PAPSS1: variants seen among roughly 807,000 people sequenced by gnomAD.
PAPSS1 encodes bifunctional 3'-phosphoadenosine 5'-phosphosulfate synthase 1.
PAPSS1 carries 50 observed loss-of-function variants against 72.0 expected under a neutral mutation model. That is an observed-to-expected ratio of 0.69 (90% CI 0.55 to 0.88). The LOEUF (loss-of-function observed/expected upper bound fraction) is 0.88, where lower values mean the gene tolerates loss of function less well. Among genes scored for constraint, PAPSS1 ranks in the 40% least tolerant of loss-of-function variants. PAPSS1 has a pLI of 0.00. For synonymous variants in PAPSS1, 261 were observed against 263.6 expected (o/e 0.99, Z 0.09); for missense variants, 657 against 782.2 (o/e 0.84, Z 1.91).
At chr4:107,646,759 T>C (rs1180502714) in intron 9 of PAPSS1, among the ~76,000 whole-genome samples, 1 of 152,094 alleles carries the variant, frequency 6.6e-6, no homozygotes, top group Non-Finnish European at 1.5e-5. Flanking sequence ...TAGGTACTAG[T>C]GATTTACAAA....
intron 9 of PAPSS1, among the ~76,000 whole-genome samples, chr4:107,651,688 A>AC (rs956617013): frequency 2.0e-5 from 3 of 152,178 alleles, no homozygotes; most frequent in African/African-American, 4.8e-5. Context: ...GGGGGAAGCC[A>AC]CCCCCATGAT....
At chr4:107,706,008 T>C (rs1269009591) in intron 1 of PAPSS1, among the ~76,000 whole-genome samples, 1 of 152,230 alleles carries the variant, frequency 6.6e-6, no homozygotes, top group African/African-American at 2.4e-5. Flanking sequence ...CTACAAAATT[T>C]CTGCTGAAAA....
rs570466190 is a variant in PAPSS1, at chr4:107,716,165, G to A, written c.60+3955C>T. On this transcript the variant is annotated intron_variant, in intron 1 of 11. Transcript: ENST00000265174. The stretch of plus-strand genomic sequence containing the variant: ...GTAGATACAAAACATCTATAATGAA[G>A]TATGATCACAAGATACATAATAGCA... Among the ~76,000 whole-genome samples the A allele has an allele frequency of 7.9e-5, 12 of 151,952 alleles. No homozygotes were observed. In the South Asian group the frequency reaches 2.5e-3, roughly 32 times the overall value.
chr4:107,681,934 C>T, intron 5 of PAPSS1, 81 bp downstream of exon 5: 1 of 725,746 alleles, frequency 1.4e-6, no homozygotes. Context: ...AATATTAACA[C>T]CACCATTTTT....
chr4:107,711,884 G>A (rs1218306352), intron 1 of PAPSS1, among the ~76,000 whole-genome samples: 1 of 152,208 alleles, frequency 6.6e-6, no homozygotes, highest in African/African-American at 2.4e-5. Flanking sequence ...GGAGGATGTT[G>A]AGAAAACAAC....
chr4:107,619,515 T>A (rs990456951), intron 11 of PAPSS1, among the ~76,000 whole-genome samples: 2 of 152,126 alleles, frequency 1.3e-5, no homozygotes, highest in Admixed American at 1.3e-4. Context: ...CAAAATCAAA[T>A]CATATTTTTC....
chr4:107,651,087 A>T (rs1221836395), intron 9 of PAPSS1, among the ~76,000 whole-genome samples: 1 of 152,258 alleles, frequency 6.6e-6, no homozygotes, highest in African/African-American at 2.4e-5. Flanking sequence ...TTATACAGGC[A>T]GTACCAAGTA....
Position 107,654,684 on chromosome 4 carries a change from T to A in PAPSS1, c.1101+11A>T, listed in dbSNP as rs1416612788. 1 of 1,608,190 alleles carries A rather than the reference T, an allele frequency of 6.2e-7. No homozygotes were observed. The highest frequency in any genetic ancestry group is 8.5e-7 in the Non-Finnish European group (1 of 1,176,794). On this transcript the variant is annotated intron_variant, in intron 8 of 11. Coordinates refer to ENST00000265174, the MANE Select transcript of PAPSS1 (RefSeq NM_005443.5). ...AAATCAAGATAAAATGCAGCGAGGT[T>A]TTTTCAGCACCTTAATATAGGGGTG...
chr4:107,648,358 G>A (rs1214114801), intron 9 of PAPSS1, among the ~76,000 whole-genome samples: 6 of 152,216 alleles, frequency 3.9e-5, no homozygotes, highest in Non-Finnish European at 8.8e-5. Flanking sequence ...GCACAGTGCA[G>A]AGCGACCCAG....
At chr4:107,636,263 C>G (rs1387870199) in intron 10 of PAPSS1, among the ~76,000 whole-genome samples, 1 of 152,084 alleles carries the variant, frequency 6.6e-6, no homozygotes, top group Non-Finnish European at 1.5e-5. Flanking sequence ...AATTCCTAAA[C>G]AGCAGGGAAC....
chr4:107,633,040 C>CT (rs1726263148), intron 10 of PAPSS1, among the ~76,000 whole-genome samples: 1 of 152,206 alleles, frequency 6.6e-6, no homozygotes, highest in African/African-American at 2.4e-5. Flanking sequence ...GGGGTTTCAA[C>CT]TTTTTAAGTT....
At chr4:107,659,928 C>T (rs1355492324) in intron 6 of PAPSS1, 31 bp downstream of exon 6, 4 of 1,183,932 alleles carry the variant, frequency 3.4e-6, no homozygotes, top group Non-Finnish European at 3.8e-6. Flanking sequence ...AAGGCTGTAT[C>T]ACTTAGTGTG....
chr4:107,618,889 C>T (rs116050354), intron 11 of PAPSS1, among the ~76,000 whole-genome samples: 2 of 152,060 alleles, frequency 1.3e-5, no homozygotes, highest in African/African-American at 4.8e-5. Flanking sequence ...AAAATGCTTG[C>T]TCTAACCAGA....
intron 10 of PAPSS1, among the ~76,000 whole-genome samples, chr4:107,639,980 T>C (rs142193019): frequency 6.2e-4 from 95 of 152,314 alleles, no homozygotes; most frequent in African/African-American, 1.9e-3. Flanking sequence ...AAGGATAATC[T>C]CTACCTCCAA....
At chr4:107,692,242 C>T (rs1284263335) in intron 3 of PAPSS1, among the ~76,000 whole-genome samples, 2 of 152,068 alleles carry the variant, frequency 1.3e-5, no homozygotes, top group African/African-American at 2.4e-5. Context: ...AAACTATCAT[C>T]ACAGTGAACA....
Position 107,654,618 on chromosome 4 carries a change from T to C in PAPSS1, c.1101+77A>G. ...ATTAACAATTCCAATGAAAAGTCAATACACAGAAAATGCCCACATTTCAGC... is the reference window on the plus strand; with the variant it reads ...ATTAACAATTCCAATGAAAAGTCAACACACAGAAAATGCCCACATTTCAGC... On this transcript the variant is annotated intron_variant, in intron 8 of 11. Coordinates refer to ENST00000265174, the MANE Select transcript of PAPSS1 (RefSeq NM_005443.5). The C allele has an allele frequency of 4.4e-6, 5 of 1,149,394 alleles. No homozygotes were observed. In the Admixed American group the frequency reaches 7.0e-5, roughly 16 times the overall value. 71.2% of individuals were successfully genotyped at this position (1,149,394 alleles called of 1,614,324 possible).
Position 107,654,687 on chromosome 4 carries a change from T to C in PAPSS1, c.1101+8A>G. 6.2e-7 allele frequency: 1 copy of C among 1,609,800 alleles called. No homozygotes were observed. The highest frequency in any genetic ancestry group is 8.5e-7 in the Non-Finnish European group (1 of 1,177,768). The stretch of plus-strand genomic sequence containing the variant: ...TCAAGATAAAATGCAGCGAGGTTTT[T>C]TCAGCACCTTAATATAGGGGTGGTT... On this transcript the variant is annotated splice_region_variant and intron_variant, in intron 8 of 11. Transcript: ENST00000265174.
At chr4:107,698,832 G>A (rs1451045940) in intron 2 of PAPSS1, among the ~76,000 whole-genome samples, 1 of 152,068 alleles carries the variant, frequency 6.6e-6, no homozygotes, top group Admixed American at 6.6e-5. Flanking sequence ...CTTCCATTCT[G>A]AAATACACCA....
intron 5 of PAPSS1, among the ~76,000 whole-genome samples, chr4:107,671,167 T>C (rs992384092): frequency 6.6e-6 from 1 of 152,112 alleles, no homozygotes; most frequent in Non-Finnish European, 1.5e-5. Flanking sequence ...AACTGAACCC[T>C]GAATACAGTG....
Sources: gnomAD v4.1 joint callset for allele counts (sites outside exome capture counted in the v4.1 genomes callset) on GRCh38, gnomAD v4.1.1 for gene constraint, MANE v1.5 for transcripts, NCBI Gene and HGNC (gene_info 2026-07-23, HGNC 2026-07-21) for gene names.